Variants in ANAPC1 observed in about 807,000 individuals in gnomAD.
The protein encoded by ANAPC1 is anaphase-promoting complex subunit 1.
Under a neutral mutation model 208.0 loss-of-function variants are expected in ANAPC1, and 36 were observed. The ratio of observed to expected loss-of-function variants is 0.17; its 90% CI spans 0.13 to 0.23. The LOEUF is 0.23. ANAPC1 is among the 10% of genes least tolerant of loss of function. The pLI, the probability that ANAPC1 is intolerant of heterozygous loss-of-function variation, is 1.00. For missense variants in ANAPC1, 942 were observed against 2,011.6 expected, an observed-to-expected ratio of 0.47 and a Z score of 10.17; for synonymous variants, 378 against 695.2, an observed-to-expected ratio of 0.54 and a Z score of 7.18.
intron 20 of ANAPC1, among the ~76,000 whole-genome samples, chr2:111,831,664 C>T (rs1251704184): frequency 6.6e-6 from 1 of 151,626 alleles, no homozygotes; most frequent in East Asian, 1.9e-4. Flanking sequence ...TGGTGAAACC[C>T]CGTCTCTACT....
At chr2:111,864,449 C>CAT (rs57591480) in intron 8 of ANAPC1, among the ~76,000 whole-genome samples, 3,471 of 95,678 alleles carry the variant, frequency 0.036, 377 homozygotes, top group African/African-American at 0.095. Flanking sequence ...ACTACTCTTT[C>CAT]ATATATATAT....
intron 47 of ANAPC1, among the ~76,000 whole-genome samples, chr2:111,769,835 C>T (rs1165818066): frequency 1.3e-5 from 2 of 148,752 alleles, no homozygotes; most frequent in Non-Finnish European, 3.0e-5. Flanking sequence ...TGCCCACCAC[C>T]ACGCCCAGCT....
chr2:111,780,052 TATC>T (rs1677200286), intron 44 of ANAPC1: 1 of 180,424 alleles, frequency 5.5e-6, no homozygotes, highest in Non-Finnish European at 1.1e-5. Flanking sequence ...TGACAGAAAC[TATC>T]ATCTGTCAAA....
At position 111,831,622 on chromosome 2, in the gene ANAPC1, G is replaced by T. The variant is rs373758279; in HGVS notation, c.2477-188C>A. On this transcript the variant is annotated intron_variant, in intron 20 of 47. Transcript: ENST00000341068. ...TGGGAGGCCCAAGCAGGTGGATCAC[G>T]AGGTCAGGAGTTAAGGACAGCCTGG... 2.6e-4 allele frequency among the ~76,000 whole-genome samples: 40 copies of T among 151,940 alleles called. No homozygotes were observed. In the East Asian group the frequency reaches 7.6e-3, roughly 29 times the overall value.
At chr2:111,834,087 A>G (rs1019636604) in intron 19 of ANAPC1, among the ~76,000 whole-genome samples, 3 of 152,226 alleles carry the variant, frequency 2.0e-5, no homozygotes, top group Non-Finnish European at 2.9e-5. Flanking sequence ...CCTCAAAGAC[A>G]GGGACAACCT....
rs4019125 is a variant in ANAPC1 at position 111,831,846 on chromosome 2, A to AAAAAG, written c.2477-413_2477-412insCTTTT. Reference sequence around the variant, plus strand: ...TGTCTCAAAAAAAAAAAAAAAAAAAAGAATAACGTTTTTCCATATTCTCCA... The same window carrying AAAAAG: ...TGTCTCAAAAAAAAAAAAAAAAAAAAAAAAGGAATAACGTTTTTCCATATTCTCCA... On this transcript the variant is annotated intron_variant, in intron 20 of 47. Coordinates refer to ENST00000341068, the MANE Select transcript of ANAPC1 (RefSeq NM_022662.4). Among the ~76,000 whole-genome samples the AAAAAG allele has an allele frequency of 2.1e-3, 185 of 88,228 alleles. 36 individuals carry two copies. The highest frequency in any genetic ancestry group is 2.3e-3 in the Non-Finnish European group (105 of 45,616). 57.9% of individuals were successfully genotyped at this position (88,228 alleles called of 152,430 possible).
intron 18 of ANAPC1, among the ~76,000 whole-genome samples, chr2:111,835,447 C>T (rs1680412418): frequency 6.6e-6 from 1 of 152,126 alleles, no homozygotes; most frequent in Non-Finnish European, 1.5e-5. Flanking sequence ...ATGCTATTTC[C>T]AGATCTTGGA....
At chr2:111,792,974 A>G (rs1163194795) in intron 37 of ANAPC1, among the ~76,000 whole-genome samples, 1 of 152,194 alleles carries the variant, frequency 6.6e-6, no homozygotes, top group East Asian at 1.9e-4. Context: ...AAATCTGTAA[A>G]TACAAATATT....
intron 17 of ANAPC1, among the ~76,000 whole-genome samples, chr2:111,841,108 G>C (rs1423052574): frequency 6.6e-6 from 1 of 152,152 alleles, no homozygotes; most frequent in Non-Finnish European, 1.5e-5. Context: ...AAATTGCAGA[G>C]AGCAATTCCT....
At chr2:111,792,632 T>C (rs1558669130) in intron 37 of ANAPC1, 77 bp from the exon 38 acceptor site, 3 of 1,316,536 alleles carry the variant, frequency 2.3e-6, no homozygotes, top group Non-Finnish European at 3.1e-6. Context: ...TAGCCATCAT[T>C]AGAAGACTAC....
rs1283222311 is a variant in ANAPC1, at chr2:111,800,381, C to T, written c.4296+416G>A. The stretch of plus-strand genomic sequence containing the variant: ...GTTCATTTTTAACTAGTATACTTGG[C>T]TTATCGAATAAATATGATATAAAGT... On this transcript the variant is annotated intron_variant, in intron 34 of 47. Transcript: ENST00000341068. 1.5e-5 allele frequency among the ~76,000 whole-genome samples: 2 copies of T among 133,766 alleles called. 1 individual carries two copies. The highest frequency in any genetic ancestry group is 5.8e-5 in the African/African-American group (2 of 34,410). The allele number at this position is 133,766 out of a possible 152,430, so 87.8% of individuals were successfully genotyped here.
rs375937187 is a variant in ANAPC1 at position 111,878,949 on chromosome 2, C to T, written c.236G>A (p.Gly79Glu). The change falls in exon 3 of 48, where the codon GGA (glycine) becomes GAA (glutamate). Residue 79 changes from glycine to glutamate, a missense_variant. By Grantham distance (98) the Gly-to-Glu change is moderately conservative. Transcript: ENST00000341068. The stretch of plus-strand genomic sequence containing the variant: ...CACATCTTCTCCAATTTCACTTACT[C>T]CTTTCCTTAACTGCCAGCTTTCCTT... ...KQKESWQLRK[G>E]VSEIGEDVDY... 1.8e-5 allele frequency: 29 copies of T among 1,586,842 alleles called. No individual in the cohort carries two copies. In the Admixed American group the frequency reaches 3.1e-4, roughly 17 times the overall value.
intron 17 of ANAPC1, among the ~76,000 whole-genome samples, chr2:111,841,064 T>C (rs1040871262): frequency 6.6e-6 from 1 of 152,012 alleles, no homozygotes; most frequent in South Asian, 2.1e-4. Flanking sequence ...GAAAAGAAAA[T>C]TGTCCCTATT....
At chr2:111,837,341 G>A (rs981853679) in intron 18 of ANAPC1, among the ~76,000 whole-genome samples, 28 of 152,234 alleles carry the variant, frequency 1.8e-4, no homozygotes, top group Non-Finnish European at 2.6e-4. Context: ...AGCAAGAGGG[G>A]CCGGGCCCAG....
chr2:111,844,994 T>C (rs1680977845), intron 16 of ANAPC1, among the ~76,000 whole-genome samples: 1 of 152,202 alleles, frequency 6.6e-6, no homozygotes, highest in Admixed American at 6.5e-5. Flanking sequence ...TACAGATGCA[T>C]GCCAGCATGC....
chr2:111,854,016 CAGA>C (rs1164559622), intron 13 of ANAPC1, among the ~76,000 whole-genome samples: 1 of 152,054 alleles, frequency 6.6e-6, no homozygotes, highest in Non-Finnish European at 1.5e-5. Context: ...ACGCCCAGCC[CAGA>C]AGGTTTTCAG....
intron 5 of ANAPC1, 108 bp from the exon 6 acceptor site, chr2:111,872,820 T>C: frequency 1.4e-6 from 1 of 712,212 alleles, no homozygotes; most frequent in East Asian, 2.8e-5. Context: ...TAGTAATAGC[T>C]TTACAAAGTA....
chr2:111,778,234 A>G (rs1677091532), intron 45 of ANAPC1, among the ~76,000 whole-genome samples: 5 of 152,254 alleles, frequency 3.3e-5, no homozygotes, highest in Admixed American at 3.3e-4. Flanking sequence ...CAATGCCTAG[A>G]TAACTGCATA....
intron 13 of ANAPC1, among the ~76,000 whole-genome samples, chr2:111,855,710 CA>C (rs1028549603): frequency 1.3e-5 from 2 of 151,974 alleles, no homozygotes; most frequent in African/African-American, 4.8e-5. Flanking sequence ...GTAATACAAA[CA>C]ACTGATTTAT....
Sources: allele counts gnomAD v4.1 joint callset (sites outside exome capture counted in the v4.1 genomes callset), GRCh38; gene constraint gnomAD v4.1.1; transcripts MANE v1.5; gene names NCBI Gene and HGNC (gene_info 2026-07-23, HGNC 2026-07-21).